The following PTPRD variants were observed in gnomAD, a reference collection of about 807,000 sequenced individuals.
The protein encoded by PTPRD is protein tyrosine phosphatase receptor type D, also known as receptor-type tyrosine-protein phosphatase delta.
Under a neutral mutation model 214.5 loss-of-function variants are expected in PTPRD, and 34 were observed. The ratio of observed to expected loss-of-function variants is 0.16; its 90% CI spans 0.12 to 0.21. The LOEUF is 0.21. Ranked by LOEUF, PTPRD falls within the 10% of genes least tolerant of loss-of-function variation. The pLI, the probability that PTPRD is intolerant of heterozygous loss-of-function variation, is 1.00. For synonymous variants in PTPRD, 1,128 were observed against 845.7 expected (o/e 1.33, Z -5.79); for missense variants, 2,545 against 2,398.7 (o/e 1.06, Z -1.27).
chr9:8,739,624 C>G (rs138764935), intron 11 of PTPRD, among the ~76,000 whole-genome samples: 176 of 152,236 alleles, frequency 1.2e-3, no homozygotes, highest in African/African-American at 4.1e-3. Flanking sequence ...TCTGAGTTCT[C>G]GTAGTCCTTG....
intron 8 of PTPRD, among the ~76,000 whole-genome samples, chr9:9,513,342 G>A (rs2096754857): frequency 1.3e-5 from 2 of 151,828 alleles, no homozygotes; most frequent in Non-Finnish European, 1.5e-5. Context: ...TATTCCATGT[G>A]TTGCTAAATT....
At chr9:9,444,397 C>T (rs554895604) in intron 8 of PTPRD, among the ~76,000 whole-genome samples, 147 of 152,228 alleles carry the variant, frequency 9.7e-4, no homozygotes, top group African/African-American at 3.4e-3. Context: ...ATAATCTCTC[C>T]TATGTGATCC....
At chr9:10,035,665 T>A (rs1160810840) in intron 3 of PTPRD, among the ~76,000 whole-genome samples, 3 of 152,054 alleles carry the variant, frequency 2.0e-5, no homozygotes, top group Non-Finnish European at 2.9e-5. Flanking sequence ...CAGCCTTCCT[T>A]CAGTCTCACC....
chr9:8,349,418 G>C (rs1018916350), intron 39 of PTPRD, among the ~76,000 whole-genome samples: 1 of 152,100 alleles, frequency 6.6e-6, no homozygotes, highest in African/African-American at 2.4e-5. Context: ...TCTGAGTGCA[G>C]TGCACCTCTC....
intron 3 of PTPRD, among the ~76,000 whole-genome samples, chr9:10,248,523 A>AC (rs2092436834): frequency 1.7e-4 from 7 of 41,332 alleles, no homozygotes; most frequent in East Asian, 1.4e-3. Flanking sequence ...AAAAAAAAAA[A>AC]AAATAAAAAA....
intron 14 of PTPRD, among the ~76,000 whole-genome samples, chr9:8,614,813 T>C (rs970804194): frequency 1.3e-5 from 2 of 152,120 alleles, no homozygotes; most frequent in African/African-American, 4.8e-5. Context: ...ACGACAGAGT[T>C]GGACAATTAC....
chr9:8,708,679 CAAAAAAA>C (rs765081509), intron 12 of PTPRD, among the ~76,000 whole-genome samples: 6 of 39,396 alleles, frequency 1.5e-4, no homozygotes, highest in East Asian at 9.4e-4. Context: ...GACTCTGTCT[CAAAAAAA>C]AAAAAAAAAA....
At chr9:8,704,445 G>C (rs2098156564) in intron 12 of PTPRD, among the ~76,000 whole-genome samples, 1 of 152,128 alleles carries the variant, frequency 6.6e-6, no homozygotes, top group Admixed American at 6.5e-5. Flanking sequence ...TCATTAAAAA[G>C]AAAATCTGTT....
chr9:9,105,764 C>T (rs1437246808), intron 10 of PTPRD, among the ~76,000 whole-genome samples: 1 of 152,146 alleles, frequency 6.6e-6, no homozygotes, highest in East Asian at 1.9e-4. Context: ...CAAATCCATT[C>T]AATGAAAGTG....
chr9:9,374,444 G>A (rs2060277359), intron 9 of PTPRD, among the ~76,000 whole-genome samples: 1 of 152,102 alleles, frequency 6.6e-6, no homozygotes, highest in South Asian at 2.1e-4. Context: ...ATTGAAAGGA[G>A]CAACATTTGA....
intron 3 of PTPRD, among the ~76,000 whole-genome samples, chr9:10,263,886 C>T (rs1044350430): frequency 3.9e-5 from 6 of 152,076 alleles, no homozygotes; most frequent in African/African-American, 1.4e-4. Flanking sequence ...GGCCAGGGAC[C>T]CTCCTGCTGT....
At position 9,513,351 on chromosome 9, in the gene PTPRD, T is replaced by C. The variant is rs552111562; in HGVS notation, c.-237+61381A>G. On this transcript the variant is annotated intron_variant, in intron 8 of 45. Transcript: ENST00000381196. ...TCTTTTTATTCCATGTGTTGCTAAA[T>C]TGATTACTTTCCTATGTGTTATGAC... 3.3e-5 allele frequency among the ~76,000 whole-genome samples: 5 copies of C among 152,130 alleles called. No homozygotes were observed. The South Asian group carries it at 6.2e-4, about 19-fold the overall frequency.
At chr9:8,795,595 G>C (rs1267917065) in intron 11 of PTPRD, among the ~76,000 whole-genome samples, 1 of 152,000 alleles carries the variant, frequency 6.6e-6, no homozygotes, top group African/African-American at 2.4e-5. Flanking sequence ...CTTTTGGGTT[G>C]TGGAGACGGA....
At chr9:10,038,750 TC>T (rs1179220051) in intron 3 of PTPRD, among the ~76,000 whole-genome samples, 1 of 152,098 alleles carries the variant, frequency 6.6e-6, no homozygotes, top group African/African-American at 2.4e-5. Flanking sequence ...TTTCTTTTAT[TC>T]ATCTATTCTC....
intron 2 of PTPRD, among the ~76,000 whole-genome samples, chr9:10,558,652 G>T (rs899330081): frequency 6.6e-6 from 1 of 152,154 alleles, no homozygotes; most frequent in South Asian, 2.1e-4. Context: ...CAGACTATTT[G>T]GTAGGTTCTT....
intron 7 of PTPRD, among the ~76,000 whole-genome samples, chr9:9,674,445 G>A (rs1457031403): frequency 6.6e-6 from 1 of 151,466 alleles, no homozygotes; most frequent in South Asian, 2.1e-4. Flanking sequence ...AAAACATATA[G>A]AATATTTGAA....
chr9:8,794,005 A>C (rs2096324495), intron 11 of PTPRD, among the ~76,000 whole-genome samples: 1 of 152,220 alleles, frequency 6.6e-6, no homozygotes. Context: ...ATTGATATAG[A>C]GTACTAGGAA....
At chr9:8,466,729 T>C (rs1466266670) in intron 31 of PTPRD, among the ~76,000 whole-genome samples, 1 of 151,916 alleles carries the variant, frequency 6.6e-6, no homozygotes, top group East Asian at 1.9e-4. Context: ...AAAGTCTATG[T>C]ATTTGAGGAC....
chr9:9,146,928 T>C (rs2099869556), intron 10 of PTPRD, among the ~76,000 whole-genome samples: 1 of 152,172 alleles, frequency 6.6e-6, no homozygotes, highest in Non-Finnish European at 1.5e-5. Flanking sequence ...GCTGCAGTGA[T>C]AATAAGGTCA....
Sources: gnomAD v4.1 joint callset for allele counts (sites outside exome capture counted in the v4.1 genomes callset) on GRCh38, gnomAD v4.1.1 for gene constraint, MANE v1.5 for transcripts, NCBI Gene and HGNC (gene_info 2026-07-23, HGNC 2026-07-21) for gene names.